Variants in TESK1 observed in about 807,000 individuals in gnomAD.
The protein encoded by TESK1 is testis associated actin remodelling kinase 1.
A neutral mutation model predicts 59.9 loss-of-function variants in TESK1; 18 were observed. The observed-to-expected ratio is 0.30, with a 90% CI of 0.21 to 0.45. The LOEUF is 0.45. Among genes scored for constraint, TESK1 ranks in the 20% least tolerant of loss-of-function variants. The probability of loss-of-function intolerance (pLI) is 1.00; values close to 1 mark genes in which losing one functional copy is unlikely to be tolerated. For synonymous variants in TESK1, 341 were observed against 357.4 expected (o/e 0.95, Z 0.52); for missense variants, 748 against 840.9 (o/e 0.89, Z 1.37).
In TESK1 at chr9:35,605,728, C is replaced by A; in HGVS notation, c.109C>A (p.Arg37Ser). 6.3e-7 allele frequency: 1 copy of A among 1,575,592 alleles called. No homozygotes were observed. The highest frequency in any genetic ancestry group is 8.6e-7 in the Non-Finnish European group (1 of 1,161,040). Residue 37 changes from arginine (R) to serine (S), a missense_variant, in exon 1 of 10, where the codon CGC becomes AGC. Arg to Ser is a moderately radical substitution (Grantham distance 110). This residue lies in a region of TESK1 where 133 missense variants were observed against 117.4 expected (regional missense o/e 1.13). Transcript: ENST00000336395. ...CACGGGCGGAGGCCCGGGCCGGGGCCGCCCCTCCTCCTACCGGGCTCTCCG... is the reference window on the plus strand; with the variant it reads ...CACGGGCGGAGGCCCGGGCCGGGGCAGCCCCTCCTCCTACCGGGCTCTCCG... The part of the protein sequence containing the change: ...GGTGGGPGRG[R>S]PSSYRALRSA...
intron 2 of TESK1, 37 bp from the exon 3 acceptor site, chr9:35,606,200 A>G (rs1587894834): frequency 6.2e-7 from 1 of 1,614,114 alleles, no homozygotes. Flanking sequence ...TGAGGCCTTT[A>G]ATAGCCTATC....
chr9:35,607,475 C>G lies in TESK1; in HGVS notation c.620+66C>G. The G allele has an allele frequency of 6.3e-7, 1 of 1,599,890 alleles. No individual in the cohort carries two copies. Among genetic ancestry groups the G allele is most frequent in the Non-Finnish European group, 8.6e-7 (1 of 1,167,316 alleles). On this transcript the variant is annotated intron_variant, in intron 5 of 9. Coordinates refer to ENST00000336395, the MANE Select transcript of TESK1 (RefSeq NM_006285.3). This position sits in a 1 kb window ranked among gnomAD's most constrained non-coding sequence, Gnocchi z 4.5. The stretch of plus-strand genomic sequence containing the variant: ...GCCCCTATCTGATGTCCCCAGAGCC[C>G]CAGGGATGTTTCCCTTGGGGAACGG...
chr9:35,608,569 C>A, intron 9 of TESK1, 60 bp downstream of exon 9: 1 of 1,485,936 alleles, frequency 6.7e-7, no homozygotes, highest in South Asian at 1.2e-5. Context: ...CCCTAGAATT[C>A]AGAGGTGACA....
At position 35,607,489 on chromosome 9, in the gene TESK1, C is replaced by T. The variant is rs1380965618; in HGVS notation, c.620+80C>T. On this transcript the variant is annotated intron_variant, in intron 5 of 9. Transcript: ENST00000336395. The surrounding 1 kb of genome is among the most constrained non-coding windows in gnomAD (Gnocchi z 4.5). ...TCCCCAGAGCCCCAGGGATGTTTCCCTTGGGGAACGGAGGGAGTTCACCTC... is the reference window on the plus strand; with the variant it reads ...TCCCCAGAGCCCCAGGGATGTTTCCTTTGGGGAACGGAGGGAGTTCACCTC... The T allele has an allele frequency of 4.4e-6, 7 of 1,594,246 alleles. No individual in the cohort carries two copies. In the South Asian group the frequency reaches 5.5e-5, roughly 13 times the overall value.
chr9:35,606,299 AG>A lies in TESK1; in HGVS notation c.390+16del. The A allele has an allele frequency of 6.2e-7, 1 of 1,613,662 alleles. No individual in the cohort carries two copies. Among genetic ancestry groups the A allele is most frequent in the Non-Finnish European group, 8.5e-7 (1 of 1,180,006 alleles). On this transcript the variant is annotated intron_variant, in intron 3 of 9. Coordinates refer to ENST00000336395, the MANE Select transcript of TESK1 (RefSeq NM_006285.3). ...GCTCTTACAGAGGTGAGGATAGGCC[AG>A]GAAGGAGGGATCCCCACCCCCCTTC...
Position 35,607,585 on chromosome 9 carries a change from G to T in TESK1, c.624G>T (p.Glu208Asp). 1 of 1,611,404 alleles carries T rather than the reference G, an allele frequency of 6.2e-7. No individual in the cohort carries two copies. Among genetic ancestry groups the T allele is most frequent in the Non-Finnish European group, 8.5e-7 (1 of 1,177,640 alleles). The change falls in exon 6 of 10, where the codon GAG becomes GAT. Residue 208 changes from glutamate to aspartate, a missense_variant. This residue lies in a region of TESK1 where 168 missense variants were observed against 257.4 expected (regional missense o/e 0.65). Coordinates refer to ENST00000336395, the MANE Select transcript of TESK1 (RefSeq NM_006285.3). The surrounding 1 kb of genome is among the most constrained non-coding windows in gnomAD (Gnocchi z 4.5). ...GLAEKIPVYR[E>D]GARKEPLAVV... ...CACTCTGCCCCTGCCCCTGCAGGGAGGGGGCAAGGAAGGAGCCATTGGCCG... is the reference window on the plus strand; with the variant it reads ...CACTCTGCCCCTGCCCCTGCAGGGATGGGGCAAGGAAGGAGCCATTGGCCG...
rs761778579 is a variant in TESK1 at position 35,608,416 on chromosome 9, C to T, written c.907C>T (p.Pro303Ser). 6.2e-7 allele frequency: 1 copy of T among 1,614,154 alleles called. No homozygotes were observed. ...TCAGCTGGAACCCAGCACCCGTGCC[C>T]CCTTCACCGAAATTACCCAGCACCT... ...CCNLEPSTRA[P>S]FTEITQHLEW... The change falls in exon 9 of 10, where the codon CCC becomes TCC. Residue 303 changes from proline to serine, a missense_variant. By Grantham distance (74) the Pro-to-Ser change is moderately conservative. Around this residue, in one of 3 missense-constraint regions of TESK1, gnomAD observed 447 missense variants for 466.1 expected, o/e 0.96. Coordinates refer to ENST00000336395, the MANE Select transcript of TESK1 (RefSeq NM_006285.3).
chr9:35,609,163 C>T lies in TESK1; in HGVS notation c.1302C>T (p.Arg434=). 1.2e-6 allele frequency: 2 copies of T among 1,613,718 alleles called. No individual in the cohort carries two copies. The highest frequency in any genetic ancestry group is 1.7e-5 in the Admixed American group (1 of 60,030). ...TLVQPGTPAR[R]CRSLPSSPEL... ...TCCAGCCTGGGACACCTGCCCGCCG[C>T]TGCCGCTCACTACCCTCATCCCCCG... Residue 434 remains arginine (R), a synonymous_variant, in exon 10 of 10, where the codon CGC becomes CGT. Transcript: ENST00000336395. This position sits in a 1 kb window ranked among gnomAD's most constrained non-coding sequence, Gnocchi z 6.7.
In TESK1 at chr9:35,607,297, G is replaced by C; in HGVS notation, c.538-30G>C. 6.2e-7 allele frequency: 1 copy of C among 1,613,430 alleles called. No homozygotes were observed. The highest frequency in any genetic ancestry group is 1.6e-4 in the Middle Eastern group (1 of 6,062). On this transcript the variant is annotated intron_variant, in intron 4 of 9. Transcript: ENST00000336395. This position sits in a 1 kb window ranked among gnomAD's most constrained non-coding sequence, Gnocchi z 4.5. ...GGCCAGACAGCAGAAGGTGATGAGT[G>C]CGTGGGGATACTATGTGTGTGTGTG... is the stretch of plus-strand genomic sequence containing the variant.
Position 35,608,014 on chromosome 9 carries a change from G to A in TESK1, c.795+3G>A. The stretch of plus-strand genomic sequence containing the variant: ...CTGACTACCTACCACGCACTGAGGT[G>A]AATGTTTCTAGGTTTGCAAAGAAAG... On this transcript the variant is annotated splice_donor_region_variant and intron_variant, in intron 7 of 9. Coordinates refer to ENST00000336395, the MANE Select transcript of TESK1 (RefSeq NM_006285.3). The A allele has an allele frequency of 6.2e-7, 1 of 1,614,032 alleles. No individual in the cohort carries two copies.
rs1319895222 is a variant in TESK1 at position 35,609,519 on chromosome 9, C to T, written c.1658C>T (p.Ser553Leu). ...RAAALERTEP[S>L]PPPSAPREPD... is the part of the protein sequence containing the mutation. ...GCAGCCCTGGAGCGGACAGAACCCT[C>T]GCCACCCCCTTCAGCTCCCCGGGAG... Residue 553 changes from serine (S) to leucine (L), a missense_variant, in exon 10 of 10, where the codon TCG becomes TTG. Transcript: ENST00000336395. The surrounding 1 kb of genome is among the most constrained non-coding windows in gnomAD (Gnocchi z 6.7). The T allele has an allele frequency of 1.8e-5, 29 of 1,609,936 alleles. No individual in the cohort carries two copies. The highest frequency in any genetic ancestry group is 2.3e-5 in the Non-Finnish European group (27 of 1,177,836).
chr9:35,607,383 G>A lies in TESK1; in HGVS notation c.594G>A (p.Gly198=). The A allele has an allele frequency of 1.2e-6, 2 of 1,614,138 alleles. No individual in the cohort carries two copies. The highest frequency in any genetic ancestry group is 1.3e-5 in the African/African-American group (1 of 75,010). ...TCACCGCTGTCGTGGGTGACTTCGG[G>A]CTGGCCGAAAAGATTCCTGTGTATA... is the stretch of plus-strand genomic sequence containing the variant. ...RGFTAVVGDF[G]LAEKIPVYRE... Residue 198 remains glycine (G), a synonymous_variant, in exon 5 of 10, where the codon GGG becomes GGA. Transcript: ENST00000336395. The surrounding 1 kb of genome is among the most constrained non-coding windows in gnomAD (Gnocchi z 4.5).
chr9:35,606,465 T>G (rs533064036), intron 3 of TESK1, among the ~76,000 whole-genome samples, 180 bp downstream of exon 3: 1 of 152,216 alleles, frequency 6.6e-6, no homozygotes, highest in African/African-American at 2.4e-5. Context: ...ACTGGTCTTA[T>G]TCTCTGTATC....
At chr9:35,606,653 C>A (rs948748832) in intron 3 of TESK1, among the ~76,000 whole-genome samples, 184 bp from the exon 4 acceptor site, 39 of 151,998 alleles carry the variant, frequency 2.6e-4, no homozygotes, top group African/African-American at 9.2e-4. Context: ...TAAATTGTTG[C>A]ACATGGCTAA....
Position 35,605,686 on chromosome 9 carries a change from C to G in TESK1, c.67C>G (p.Pro23Ala). ...GCCTGGAGAGGTGCCGGGGGAGGGG[C>G]CCCCGGGGCCGGGGGGCACGGGCGG... ...PGPGEVPGEG[P>A]PGPGGTGGGP... The change falls in exon 1 of 10, where the codon CCC becomes GCC. Residue 23 changes from proline to alanine, a missense_variant. By Grantham distance (27) the Pro-to-Ala change is conservative (BLOSUM62 -1). Coordinates refer to ENST00000336395, the MANE Select transcript of TESK1 (RefSeq NM_006285.3). 1 of 1,440,452 alleles carries G rather than the reference C, an allele frequency of 6.9e-7. No individual in the cohort carries two copies. The highest frequency in any genetic ancestry group is 1.4e-5 in the South Asian group (1 of 72,368). The allele number at this position is 1,440,452 out of a possible 1,614,324, so 89.2% of individuals were successfully genotyped here.
intron 1 of TESK1, 22 bp downstream of exon 1, chr9:35,605,860 G>A: frequency 3.1e-6 from 5 of 1,609,022 alleles, no homozygotes; most frequent in Non-Finnish European, 4.2e-6. Context: ...CGAGAGGGCA[G>A]AGGGGCGGGA....
At chr9:35,608,309 G>T (rs956794691) in intron 8 of TESK1, 60 bp downstream of exon 8, 2 of 1,608,752 alleles carry the variant, frequency 1.2e-6, no homozygotes, top group African/African-American at 2.7e-5. Flanking sequence ...TGCCATGGCT[G>T]CCCTGTGGGA....
chr9:35,609,926 G>A lies in TESK1; in HGVS notation c.*184G>A, dbSNP rs552566995. 34 of 634,298 alleles carry A rather than the reference G, an allele frequency of 5.4e-5. 1 individual carries two copies. The highest frequency in any genetic ancestry group is 2.4e-4 in the East Asian group (8 of 33,922). 39.3% of individuals were successfully genotyped at this position (634,298 alleles called of 1,614,324 possible). ...AGTCGACCCCCCGGCTCGCGTTCCCGTGGGGATCACTGAACCAGACACAGC... is the reference window on the plus strand; with the variant it reads ...AGTCGACCCCCCGGCTCGCGTTCCCATGGGGATCACTGAACCAGACACAGC... On this transcript the variant is annotated 3_prime_UTR_variant, in exon 10 of 10. Coordinates refer to ENST00000336395, the MANE Select transcript of TESK1 (RefSeq NM_006285.3). This position sits in a 1 kb window ranked among gnomAD's most constrained non-coding sequence, Gnocchi z 6.7.
Position 35,605,760 on chromosome 9 carries a change from C to G in TESK1, c.141C>G (p.Ala47=), listed in dbSNP as rs568093182. Reference sequence around the variant, plus strand: ...CCTCCTACCGGGCTCTCCGCAGCGCCGTGTCTAGCCTGGCGCGTGTGGACG... The same window carrying G: ...CCTCCTACCGGGCTCTCCGCAGCGCGGTGTCTAGCCTGGCGCGTGTGGACG... ...RPSSYRALRS[A]VSSLARVDDF... is the part of the protein sequence containing the mutation. The change falls in exon 1 of 10, where the codon GCC becomes GCG. Residue 47 remains alanine (A), a synonymous_variant. Coordinates refer to ENST00000336395, the MANE Select transcript of TESK1 (RefSeq NM_006285.3). 1.1e-5 allele frequency: 18 copies of G among 1,608,698 alleles called. No individual in the cohort carries two copies. The African/African-American group carries it at 1.3e-4, about 12-fold the overall frequency.
Sources: allele counts gnomAD v4.1 joint callset (sites outside exome capture counted in the v4.1 genomes callset), GRCh38; gene constraint gnomAD v4.1.1; regional missense constraint gnomAD v4.1.1; non-coding constraint Gnocchi (gnomAD v3.1); transcripts MANE v1.5; gene names NCBI Gene and HGNC (gene_info 2026-07-23, HGNC 2026-07-21).